Variants in TNN observed in about 807,000 individuals in gnomAD.
TNN encodes the protein tenascin N, also known as tenascin-N.
In TNN, 122 loss-of-function variants were observed where a neutral mutation model predicts 134.4. That is an observed-to-expected ratio of 0.91 (90% CI 0.78 to 1.06). TNN has a LOEUF of 1.06. Among genes scored for constraint, TNN ranks in the 50% least tolerant of loss-of-function variants. The pLI, the probability that TNN is intolerant of heterozygous loss-of-function variation, is 0.00. For missense variants in TNN, 1,739 were observed against 1,699.4 expected (o/e 1.02, Z -0.41); for synonymous variants, 710 against 670.3 (o/e 1.06, Z -0.91).
chr1:175,113,083 G>T (rs900752544), intron 9 of TNN, among the ~76,000 whole-genome samples: 5 of 152,064 alleles, frequency 3.3e-5, no homozygotes, highest in African/African-American at 1.2e-4. Flanking sequence ...TTGTGATTTG[G>T]TAGGTTTTTG....
chr1:175,084,007 C>G, intron 5 of TNN, 72 bp downstream of exon 5: 22 of 1,453,024 alleles, frequency 1.5e-5, no homozygotes, highest in Non-Finnish European at 2.0e-5. Context: ...GCAGAGGGCA[C>G]TGGCATCTGC....
At chr1:175,094,645 AC>A (rs1674529683) in intron 7 of TNN, among the ~76,000 whole-genome samples, 1 of 152,284 alleles carries the variant, frequency 6.6e-6, no homozygotes, top group Admixed American at 6.5e-5. Flanking sequence ...TCTCTTTTAG[AC>A]CGTGGAAATA....
In TNN at chr1:175,094,253, G is replaced by C; in HGVS notation, c.1588G>C (p.Glu530Gln). The change falls in exon 7 of 19, where the codon GAA becomes CAA. Residue 530 changes from glutamate to glutamine, a missense_variant and splice_region_variant. Glu to Gln is a conservative substitution (Grantham distance 29). Coordinates refer to ENST00000239462, the MANE Select transcript of TNN (RefSeq NM_022093.2). ...GAAAGCTGACACCAATGCCCTCACAGGTAACAGAAGGACGGGAGCATAAAT... is the reference window on the plus strand; with the variant it reads ...GAAAGCTGACACCAATGCCCTCACACGTAACAGAAGGACGGGAGCATAAAT... ...SKKADTNALT[E>Q]IDSPANLVTD... 6.3e-7 allele frequency: 1 copy of C among 1,580,698 alleles called. No individual in the cohort carries two copies. The highest frequency in any genetic ancestry group is 8.6e-7 in the Non-Finnish European group (1 of 1,159,160).
intron 17 of TNN, among the ~76,000 whole-genome samples, chr1:175,143,518 G>GGTGTGTGT (rs149081442): frequency 0.36 from 53,540 of 148,558 alleles, 9,881 homozygotes; most frequent in East Asian, 0.62. Flanking sequence ...TTTGTGTGTA[G>GGTGTGTGT]GTGTGTGTGT....
intron 6 of TNN, among the ~76,000 whole-genome samples, chr1:175,087,323 G>A (rs1674341223): frequency 6.6e-6 from 1 of 152,222 alleles, no homozygotes; most frequent in South Asian, 2.1e-4. Flanking sequence ...GGAGCAGGTA[G>A]CGGGATAGTC....
chr1:175,135,387 G>A (rs916468780), intron 15 of TNN, among the ~76,000 whole-genome samples: 10 of 151,956 alleles, frequency 6.6e-5, no homozygotes, highest in African/African-American at 1.7e-4. Flanking sequence ...TTAAATAATC[G>A]CTATATTAAG....
rs554348227 is a variant in TNN at position 175,145,700 on chromosome 1, G to T, written c.3759+1150G>T. On this transcript the variant is annotated intron_variant, in intron 18 of 18. Transcript: ENST00000239462. ...AGCTAGACCAGTCTCTCCACATTGGGAGTGTGCGCCCAGGGCCCAGGGGTC... is the reference window on the plus strand; with the variant it reads ...AGCTAGACCAGTCTCTCCACATTGGTAGTGTGCGCCCAGGGCCCAGGGGTC... Among the ~76,000 whole-genome samples, 105 of 151,880 alleles carry T rather than the reference G, an allele frequency of 6.9e-4. 1 individual carries two copies. In the South Asian group the frequency reaches 0.021, roughly 31 times the overall value.
intron 9 of TNN, among the ~76,000 whole-genome samples, chr1:175,100,548 G>C (rs1227994391): frequency 2.6e-5 from 4 of 152,210 alleles, no homozygotes; most frequent in Non-Finnish European, 5.9e-5. Context: ...AACTGTTGTT[G>C]ATCTTGCCTT....
Position 175,098,346 on chromosome 1 carries a change from A to G in TNN, c.1870A>G (p.Lys624Glu), listed in dbSNP as rs776910778. ...TNAPTDIDSP[K>E]NLVTDRVTEN... ...TTTCCTTCCAGATATTGACAGCCCC[A>G]AAAACCTGGTGACTGACCGGGTGAC... The change falls in exon 9 of 19, where the codon AAA (lysine) becomes GAA (glutamate). Residue 624 changes from lysine (K) to glutamate (E), a missense_variant. Coordinates refer to ENST00000239462, the MANE Select transcript of TNN (RefSeq NM_022093.2). 8.7e-6 allele frequency: 14 copies of G among 1,614,028 alleles called. No homozygotes were observed. The South Asian group carries it at 1.4e-4, about 16-fold the overall frequency.
At chr1:175,117,748 G>C (rs766469269) in intron 10 of TNN, among the ~76,000 whole-genome samples, 2 of 152,138 alleles carry the variant, frequency 1.3e-5, no homozygotes, top group African/African-American at 4.8e-5. Flanking sequence ...CAGATAGGAA[G>C]GGGAAATAGT....
At chr1:175,125,795 CTCCT>C (rs143232303) in intron 12 of TNN, among the ~76,000 whole-genome samples, 1 of 117,982 alleles carries the variant, frequency 8.5e-6, no homozygotes, top group Admixed American at 9.3e-5. Context: ...TTTTCTCTCT[CTCCT>C]TCCTTCCTTC....
Position 175,147,020 on chromosome 1 carries a change from T to C in TNN, c.3849T>C (p.Pro1283=), listed in dbSNP as rs868060505. The C allele has an allele frequency of 5.0e-6, 8 of 1,602,624 alleles. No individual in the cohort carries two copies. The Middle Eastern group carries it at 5.0e-4, about 100-fold the overall frequency. ...KIRPHGYSRE[P]VLGRKKRTLR... Reference sequence around the variant, plus strand: ...GCCCTCATGGCTACAGCAGGGAGCCTGTCCTGGGCAGAAAGAAGCGGACGC... The same window carrying C: ...GCCCTCATGGCTACAGCAGGGAGCCCGTCCTGGGCAGAAAGAAGCGGACGC... Residue 1283 remains proline (P), a synonymous_variant, in exon 19 of 19, where the codon CCT becomes CCC. Coordinates refer to ENST00000239462, the MANE Select transcript of TNN (RefSeq NM_022093.2).
intron 6 of TNN, among the ~76,000 whole-genome samples, chr1:175,089,342 AT>A (rs1674388635): frequency 6.6e-6 from 1 of 152,200 alleles, no homozygotes; most frequent in Non-Finnish European, 1.5e-5. Flanking sequence ...TGACAGGGAA[AT>A]GGTTGACTGA....
rs756840977 is a variant in TNN at position 175,123,486 on chromosome 1, G to A, written c.2737G>A (p.Asp913Asn). 2 of 1,614,222 alleles carry A rather than the reference G, an allele frequency of 1.2e-6. No homozygotes were observed. Among genetic ancestry groups the A allele is most frequent in the Admixed American group, 3.3e-5 (2 of 60,028 alleles). Residue 913 changes from aspartate (D) to asparagine (N), a missense_variant, in exon 12 of 19, where the codon GAC becomes AAC. Asp to Asn is a conservative substitution (Grantham distance 23). Coordinates refer to ENST00000239462, the MANE Select transcript of TNN (RefSeq NM_022093.2). ...VSWDPVQATIDKYMVRYTSAD... is the reference protein window; with the variant it reads ...VSWDPVQATINKYMVRYTSAD... Reference sequence around the variant, plus strand: ...CTGGGACCCGGTTCAGGCCACCATTGACAAGTACATGGTGCGCTACACCTC... The same window carrying A: ...CTGGGACCCGGTTCAGGCCACCATTAACAAGTACATGGTGCGCTACACCTC...
intron 17 of TNN, among the ~76,000 whole-genome samples, chr1:175,143,108 C>G (rs899568455): frequency 7.2e-5 from 11 of 152,114 alleles, no homozygotes; most frequent in African/African-American, 2.7e-4. Context: ...GATTTGAGTC[C>G]CAGCTCTGCT....
chr1:175,109,315 C>G (rs995526082), intron 9 of TNN, among the ~76,000 whole-genome samples: 10 of 150,010 alleles, frequency 6.7e-5, no homozygotes, highest in African/African-American at 9.9e-5. Context: ...GTCTCGATCT[C>G]CTGACCTCAT....
At chr1:175,119,885 A>G (rs992183203) in intron 11 of TNN, among the ~76,000 whole-genome samples, 4 of 151,990 alleles carry the variant, frequency 2.6e-5, no homozygotes, top group East Asian at 1.9e-4. Context: ...TGATCCGCCT[A>G]CCATGGCCTC....
At position 175,102,203 on chromosome 1, in the gene TNN, C is replaced by T. The variant is rs1388401125; in HGVS notation, c.2119+3608C>T. Among the ~76,000 whole-genome samples, 16 of 145,846 alleles carry T rather than the reference C, an allele frequency of 1.1e-4. 3 individuals are homozygous for T. The highest frequency in any genetic ancestry group is 8.9e-4 in the Admixed American group (13 of 14,622). ...CTGAGCTAGATATAAAGACTCTCCA[C>T]GTCCCCACCAGACTCAGGAGCCCAG... On this transcript the variant is annotated intron_variant, in intron 9 of 18. Coordinates refer to ENST00000239462, the MANE Select transcript of TNN (RefSeq NM_022093.2).
At chr1:175,134,727 C>T (rs1038657922) in intron 15 of TNN, among the ~76,000 whole-genome samples, 1 of 152,152 alleles carries the variant, frequency 6.6e-6, no homozygotes, top group African/African-American at 2.4e-5. Context: ...GTCACCACCT[C>T]TGTCAACTTT....
Sources: gnomAD v4.1 joint callset for allele counts (sites outside exome capture counted in the v4.1 genomes callset) on GRCh38, gnomAD v4.1.1 for gene constraint, MANE v1.5 for transcripts, NCBI Gene and HGNC (gene_info 2026-07-23, HGNC 2026-07-21) for gene names.